LRP2BP: variants seen among roughly 807,000 people sequenced by gnomAD.
LRP2BP encodes the protein LRP2 binding protein.
Under a neutral mutation model 45.2 loss-of-function variants are expected in LRP2BP, and 38 were observed. That is an observed-to-expected ratio of 0.84 (90% CI 0.65 to 1.10). LRP2BP has a LOEUF of 1.10. Ranked by LOEUF, LRP2BP falls within the 50% of genes least tolerant of loss-of-function variation. The pLI, the probability that LRP2BP is intolerant of heterozygous loss-of-function variation, is 0.00. For synonymous variants in LRP2BP, 153 were observed against 153.9 expected, an observed-to-expected ratio of 0.99 and a Z score of 0.04; for missense variants, 385 against 418.9, an observed-to-expected ratio of 0.92 and a Z score of 0.71.
intron 1 of LRP2BP, among the ~76,000 whole-genome samples, chr4:185,380,511 G>C (rs1424552681): frequency 6.6e-6 from 1 of 152,110 alleles, no homozygotes; most frequent in African/African-American, 2.4e-5. Context: ...CTCTGCCTCT[G>C]TGTTTACATG....
chr4:185,394,873 G>A lies in LRP2BP; in HGVS notation c.-116C>T, dbSNP rs1314932951. 3 of 985,292 alleles carry A rather than the reference G, an allele frequency of 3.0e-6. No homozygotes were observed. In the African/African-American group the frequency reaches 5.2e-5, roughly 17 times the overall value. 61.0% of individuals were successfully genotyped at this position (985,292 alleles called of 1,614,324 possible). A position where few individuals can be genotyped will look rare whatever the true frequency, so the allele number is the denominator to read the frequency against. ...AATTAAAACATGTAGAATTAGCACT[G>A]CTTAGGAGAACGCCTATAAAATATG... On this transcript the variant is annotated 5_prime_UTR_variant, in exon 1 of 9. Transcript: ENST00000505916.
At chr4:185,369,759 A>G (rs749805800) in intron 8 of LRP2BP, 5 of 446,574 alleles carry the variant, frequency 1.1e-5, no homozygotes, top group African/African-American at 2.0e-5. Context: ...GGGAACTTCA[A>G]CAAATACGCT....
upstream of LRP2BP, chr4:185,397,107 G>A (rs374075652): frequency 6.4e-4 from 1,024 of 1,611,322 alleles, 1 homozygote; most frequent in Non-Finnish European, 8.4e-4. Context: ...GCGCGGGACT[G>A]GACAAAGGTG....
upstream of LRP2BP, chr4:185,397,202 C>T (rs780737162): frequency 1.9e-6 from 3 of 1,613,886 alleles, no homozygotes; most frequent in Admixed American, 1.7e-5. Context: ...AACGCACCCC[C>T]GGATCCCTGC....
chr4:185,373,078 G>A lies in LRP2BP; in HGVS notation c.581C>T (p.Ala194Val), dbSNP rs780082049. The change falls in exon 7 of 9, where the codon GCA becomes GTA. Residue 194 changes from alanine (A) to valine (V), a missense_variant and splice_region_variant. Coordinates refer to ENST00000505916, the MANE Select transcript of LRP2BP (RefSeq NM_001377440.1). ...ACATGCTTCGGAATGCCAGTAAAAT[G>A]CCTAAGAAAAGCACAGTTTCATCAT... Reference protein sequence around the residue: ...STKEPKELEKAFYWHSEACGN... With the variant: ...STKEPKELEKVFYWHSEACGN... 6.2e-7 allele frequency: 1 copy of A among 1,603,968 alleles called. No homozygotes were observed. The highest frequency in any genetic ancestry group is 1.7e-5 in the Admixed American group (1 of 59,862).
upstream of LRP2BP, chr4:185,396,430 G>C (rs1380939531): frequency 6.4e-6 from 1 of 155,516 alleles, no homozygotes; most frequent in Non-Finnish European, 1.4e-5. Flanking sequence ...TCTCCGTAAG[G>C]ATTAAAGGGC....
chr4:185,380,587 T>C (rs1265982450), intron 1 of LRP2BP, among the ~76,000 whole-genome samples: 1 of 152,320 alleles, frequency 6.6e-6, no homozygotes, highest in Middle Eastern at 3.4e-3. Flanking sequence ...ACACCAGTCA[T>C]TGGAGTTGGC....
In LRP2BP at chr4:185,365,670, A is replaced by G. The variant is rs2095384778; in HGVS notation, c.*1510T>C. On this transcript the variant is annotated 3_prime_UTR_variant, in exon 9 of 9. Transcript: ENST00000505916. ...CGCCGGGCTAAGATTAGGTCAGGAG[A>G]CTCCGTCTCAAAAAAAAAAAAATAA... is the stretch of plus-strand genomic sequence containing the variant. 7.3e-6 allele frequency: 1 copy of G among 137,264 alleles called. No homozygotes were observed. Among genetic ancestry groups the G allele is most frequent in the Admixed American group, 7.3e-5 (1 of 13,680 alleles). 8.5% of individuals were successfully genotyped at this position (137,264 alleles called of 1,614,324 possible). A position where few individuals can be genotyped will look rare whatever the true frequency, so the allele number is the denominator to read the frequency against.
In LRP2BP at chr4:185,374,326, C is replaced by G. The variant is rs1579982227; in HGVS notation, c.466G>C (p.Ala156Pro). 6.2e-7 allele frequency: 1 copy of G among 1,614,072 alleles called. No homozygotes were observed. Among genetic ancestry groups the G allele is most frequent in the Non-Finnish European group, 8.5e-7 (1 of 1,179,990 alleles). Reference protein sequence around the residue: ...GKGVKRSNEEAERLWLIAADN... With the variant: ...GKGVKRSNEEPERLWLIAADN... ...GTTCTCAGGTAGGATTACCTTTCAG[C>G]TTCCTCATTTGATCGTTTAACACCT... Residue 156 changes from alanine to proline, a missense_variant, in exon 5 of 9, where the codon GCT (alanine) becomes CCT (proline). Transcript: ENST00000505916.
At position 185,395,255 on chromosome 4, in the gene LRP2BP, A is replaced by C. The variant is rs918012690; in HGVS notation, c.-498T>G. The stretch of plus-strand genomic sequence containing the variant: ...GCATACTGAACAGAATCTTGTTTCA[A>C]AGAAAAGATATGAAATATGGAGGCA... On this transcript the variant is annotated 5_prime_UTR_variant, in exon 1 of 9. Coordinates refer to ENST00000505916, the MANE Select transcript of LRP2BP (RefSeq NM_001377440.1). 5 of 985,360 alleles carry C rather than the reference A, an allele frequency of 5.1e-6. No individual in the cohort carries two copies. The African/African-American group carries it at 7.0e-5, about 14-fold the overall frequency. 61.0% of individuals were successfully genotyped at this position (985,360 alleles called of 1,614,324 possible). A position where few individuals can be genotyped will look rare whatever the true frequency, so the allele number is the denominator to read the frequency against.
intron 8 of LRP2BP, among the ~76,000 whole-genome samples, chr4:185,367,658 G>A (rs1417526041): frequency 6.6e-6 from 1 of 152,018 alleles, no homozygotes; most frequent in Middle Eastern, 3.2e-3. Context: ...TGTCTAAATA[G>A]TGACAAGGTG....
intron 1 of LRP2BP, among the ~76,000 whole-genome samples, chr4:185,390,140 T>C (rs1320804740): frequency 6.6e-6 from 1 of 152,206 alleles, no homozygotes; most frequent in Non-Finnish European, 1.5e-5. Flanking sequence ...CAAGTTTTCG[T>C]AGTGACTTGA....
intron 6 of LRP2BP, among the ~76,000 whole-genome samples, chr4:185,373,856 A>G (rs2095424310): frequency 6.6e-6 from 1 of 152,208 alleles, no homozygotes; most frequent in South Asian, 2.1e-4. Context: ...TCATGCTTAG[A>G]AGGATTTTGG....
At chr4:185,377,227 A>C (rs946502793) in intron 2 of LRP2BP, 2 of 524,332 alleles carry the variant, frequency 3.8e-6, no homozygotes, top group Admixed American at 6.2e-5. Context: ...TGTGTAATAA[A>C]GCAATACTGG....
intron 1 of LRP2BP, among the ~76,000 whole-genome samples, chr4:185,393,977 G>A (rs1474840590): frequency 1.3e-5 from 2 of 152,026 alleles, no homozygotes; most frequent in Non-Finnish European, 2.9e-5. Context: ...ACTCTTTTGC[G>A]GCCAGGCATG....
upstream of LRP2BP, chr4:185,396,863 G>C: frequency 6.4e-7 from 1 of 1,571,008 alleles, no homozygotes; most frequent in Non-Finnish European, 8.7e-7. Context: ...CTGTCGGGGT[G>C]CGGCGAGTGT....
chr4:185,372,048 C>T (rs561684529), intron 7 of LRP2BP, among the ~76,000 whole-genome samples: 113 of 152,206 alleles, frequency 7.4e-4, no homozygotes, highest in South Asian at 2.5e-3. Context: ...TTACGGACTC[C>T]GAGAAAAGAC....
chr4:185,374,942 A>C (rs532588019), intron 4 of LRP2BP, among the ~76,000 whole-genome samples: 1 of 152,204 alleles, frequency 6.6e-6, no homozygotes, highest in East Asian at 1.9e-4. Flanking sequence ...TGTATCTAAT[A>C]TACAAATCTT....
chr4:185,385,233 AC>A (rs1376851809), intron 1 of LRP2BP, among the ~76,000 whole-genome samples: 1 of 152,120 alleles, frequency 6.6e-6, no homozygotes, highest in African/African-American at 2.4e-5. Flanking sequence ...CAATGGGGAA[AC>A]CTTGTTGGCA....
Sources: gnomAD v4.1 joint callset for allele counts (sites outside exome capture counted in the v4.1 genomes callset) on GRCh38, gnomAD v4.1.1 for gene constraint, MANE v1.5 for transcripts, NCBI Gene and HGNC (gene_info 2026-07-23, HGNC 2026-07-21) for gene names.